The following KIF21A variants were observed in gnomAD, a reference collection of about 807,000 sequenced individuals.
The protein encoded by KIF21A is kinesin-like protein KIF21A.
A neutral mutation model predicts 202.9 loss-of-function variants in KIF21A; 114 were observed. The observed-to-expected ratio is 0.56, with a 90% CI of 0.48 to 0.66. KIF21A has a LOEUF of 0.66. Among genes scored for constraint, KIF21A ranks in the 30% least tolerant of loss-of-function variants. The pLI is 0.00. For missense variants in KIF21A, 1,677 were observed against 1,994.9 expected (o/e 0.84, Z 3.04); for synonymous variants, 667 against 670.8 (o/e 0.99, Z 0.09).
intron 1 of KIF21A, among the ~76,000 whole-genome samples, chr12:39,403,132 CTTGACAAAAAAAAA>C (rs936608953): frequency 4.6e-5 from 7 of 152,042 alleles, no homozygotes; most frequent in Non-Finnish European, 1.0e-4. Context: ...TCAAACACCC[CTTGACAAAAAAAAA>C]CCTAACAGTC....
At chr12:39,317,009 A>G (rs756448747) in intron 29 of KIF21A, among the ~76,000 whole-genome samples, 1 of 152,198 alleles carries the variant, frequency 6.6e-6, no homozygotes, top group Non-Finnish European at 1.5e-5. Flanking sequence ...TCCCAAAAGT[A>G]TTCCTAATGT....
At chr12:39,306,987 C>T (rs984213818) in intron 34 of KIF21A, among the ~76,000 whole-genome samples, 1 of 151,962 alleles carries the variant, frequency 6.6e-6, no homozygotes, top group African/African-American at 2.4e-5. Flanking sequence ...AAACACTCAA[C>T]TAAAGGAAAA....
At chr12:39,430,577 AAAG>A (rs969612835) in intron 1 of KIF21A, among the ~76,000 whole-genome samples, 2 of 152,048 alleles carry the variant, frequency 1.3e-5, no homozygotes, top group African/African-American at 4.8e-5. Context: ...AAAAAAAAAA[AAAG>A]AAAGAAAGAA....
intron 7 of KIF21A, among the ~76,000 whole-genome samples, chr12:39,361,471 G>A (rs1363928732): frequency 6.6e-6 from 1 of 151,202 alleles, no homozygotes; most frequent in African/African-American, 2.4e-5. Context: ...TACATAAAAG[G>A]AAGAAACATA....
chr12:39,345,719 G>C (rs949766793), intron 12 of KIF21A, among the ~76,000 whole-genome samples: 1 of 151,458 alleles, frequency 6.6e-6, no homozygotes, highest in African/African-American at 2.4e-5. Flanking sequence ...GATTTGTTTA[G>C]GAAAATCTAT....
Position 39,357,453 on chromosome 12 carries a change from A to C in KIF21A, c.1216-16T>G, listed in dbSNP as rs1482252384. Reference sequence around the variant, plus strand: ...TTCTTTTACCCTAGTAAAGGAAAATAATGTCCTTGTTGGTTGAGGAGCCTT... The same window carrying C: ...TTCTTTTACCCTAGTAAAGGAAAATCATGTCCTTGTTGGTTGAGGAGCCTT... On this transcript the variant is annotated splice_polypyrimidine_tract_variant and intron_variant, in intron 8 of 37. Coordinates refer to ENST00000361418, the MANE Select transcript of KIF21A (RefSeq NM_001173464.2). 3 of 1,606,636 alleles carry C rather than the reference A, an allele frequency of 1.9e-6. No individual in the cohort carries two copies. In the East Asian group the frequency reaches 6.7e-5, roughly 36 times the overall value.
chr12:39,326,484 C>A, intron 24 of KIF21A, 160 bp from the exon 25 acceptor site: 1 of 668,536 alleles, frequency 1.5e-6, no homozygotes, highest in South Asian at 1.6e-5. Context: ...AAAAGTATTT[C>A]TAAAAACTCT....
intron 1 of KIF21A, among the ~76,000 whole-genome samples, chr12:39,403,572 G>A (rs1262600272): frequency 1.3e-5 from 2 of 152,112 alleles, no homozygotes; most frequent in Non-Finnish European, 2.9e-5. Flanking sequence ...CCTAGGGCAG[G>A]TTACTTAACT....
At chr12:39,387,762 C>A (rs1951052261) in intron 1 of KIF21A, among the ~76,000 whole-genome samples, 1 of 152,130 alleles carries the variant, frequency 6.6e-6, no homozygotes, top group South Asian at 2.1e-4. Flanking sequence ...GGGGAGAGAG[C>A]TGACTTCCCA....
At position 39,319,518 on chromosome 12, in the gene KIF21A, G is replaced by A. The variant is rs117044192; in HGVS notation, c.3779+388C>T. On this transcript the variant is annotated intron_variant, in intron 28 of 37. Transcript: ENST00000361418. ...TCTGTCAGCCACTCTAAAGAGGTAGGGTCAAGATCAGTTTTAGCTAACATG... is the reference window on the plus strand; with the variant it reads ...TCTGTCAGCCACTCTAAAGAGGTAGAGTCAAGATCAGTTTTAGCTAACATG... 2.4e-4 allele frequency among the ~76,000 whole-genome samples: 37 copies of A among 151,826 alleles called. No homozygotes were observed. In the East Asian group the frequency reaches 6.8e-3, roughly 28 times the overall value.
chr12:39,304,279 A>G (rs771079048), intron 35 of KIF21A, among the ~76,000 whole-genome samples: 2 of 152,084 alleles, frequency 1.3e-5, no homozygotes, highest in African/African-American at 4.8e-5. Context: ...TTCCCAGTCA[A>G]CTTCTCTCTA....
intron 33 of KIF21A, among the ~76,000 whole-genome samples, chr12:39,308,859 A>T: frequency 6.6e-6 from 1 of 152,202 alleles, no homozygotes; most frequent in Non-Finnish European, 1.5e-5. Flanking sequence ...AGTAGTTCTC[A>T]AATTACAAAA....
chr12:39,368,132 G>A, intron 3 of KIF21A, 100 bp from the exon 4 acceptor site: 2 of 743,462 alleles, frequency 2.7e-6, no homozygotes, highest in Non-Finnish European at 4.5e-6. Context: ...GATTTTTAAA[G>A]TATTTCAAAA....
intron 1 of KIF21A, among the ~76,000 whole-genome samples, chr12:39,392,067 T>G (rs1951404285): frequency 6.6e-6 from 1 of 152,168 alleles, no homozygotes; most frequent in South Asian, 2.1e-4. Flanking sequence ...AAGAAGCGAT[T>G]GATAAAGATG....
intron 1 of KIF21A, among the ~76,000 whole-genome samples, chr12:39,399,639 C>T (rs769492108): frequency 6.6e-6 from 1 of 152,184 alleles, no homozygotes; most frequent in Admixed American, 6.5e-5. Context: ...CACATCTTCT[C>T]TCCCCCAAGT....
At chr12:39,337,446 C>A in intron 16 of KIF21A, 5 of 452,400 alleles carry the variant, frequency 1.1e-5, no homozygotes, top group South Asian at 9.8e-5. Context: ...AGTTGTTCTG[C>A]AACTTGAAAT....
intron 3 of KIF21A, 56 bp downstream of exon 3, chr12:39,369,673 A>C (rs534413279): frequency 7.4e-7 from 1 of 1,352,578 alleles, no homozygotes; most frequent in East Asian, 2.3e-5. Context: ...AAAATCATAA[A>C]CACAGTCTAT....
intron 9 of KIF21A, 66 bp downstream of exon 9, chr12:39,357,182 G>A: frequency 7.3e-7 from 1 of 1,363,426 alleles, no homozygotes; most frequent in Non-Finnish European, 1.0e-6. Flanking sequence ...GGTAATTAGT[G>A]AACACAAAGA....
rs1334405842 is a variant in KIF21A, at chr12:39,311,557, A to C, written c.3960-4T>G. The C allele has an allele frequency of 3.7e-6, 6 of 1,612,464 alleles. No homozygotes were observed. The highest frequency in any genetic ancestry group is 5.1e-6 in the Non-Finnish European group (6 of 1,178,916). ...AGGAAATGGGTTGATTATGCCCCTA[A>C]GGTGGGGAAAAAACAAACAAACCAA... On this transcript the variant is annotated splice_polypyrimidine_tract_variant and splice_region_variant and intron_variant, in intron 31 of 37. Coordinates refer to ENST00000361418, the MANE Select transcript of KIF21A (RefSeq NM_001173464.2).
Sources: gnomAD v4.1 joint callset for allele counts (sites outside exome capture counted in the v4.1 genomes callset) on GRCh38, gnomAD v4.1.1 for gene constraint, MANE v1.5 for transcripts, NCBI Gene and HGNC (gene_info 2026-07-23, HGNC 2026-07-21) for gene names.